Variants in PRKD1 observed in about 807,000 individuals in gnomAD.
The protein encoded by PRKD1 is serine/threonine-protein kinase D1.
In PRKD1, 63 loss-of-function variants were observed where a neutral mutation model predicts 95.9. The observed-to-expected ratio is 0.66, with a 90% CI of 0.54 to 0.81. The LOEUF (loss-of-function observed/expected upper bound fraction) is 0.81. PRKD1 is among the 30% of genes least tolerant of loss of function. The pLI is 0.00. For missense variants in PRKD1, 1,048 were observed against 1,165.3 expected (o/e 0.90, Z 1.47); for synonymous variants, 425 against 423.1 (o/e 1.00, Z -0.05).
chr14:29,878,163 AC>A (rs1893370273), intron 1 of PRKD1, among the ~76,000 whole-genome samples: 1 of 152,128 alleles, frequency 6.6e-6, no homozygotes, highest in South Asian at 2.1e-4. Flanking sequence ...TGGAGGGTGG[AC>A]AGAGGGAGAG....
At chr14:29,727,026 G>A (rs915282257) in intron 1 of PRKD1, among the ~76,000 whole-genome samples, 1 of 152,258 alleles carries the variant, frequency 6.6e-6, no homozygotes, top group East Asian at 1.9e-4. Context: ...CAGTGTAAAA[G>A]TGCTCCTGTT....
chr14:29,685,908 A>G (rs1260494008), intron 2 of PRKD1, among the ~76,000 whole-genome samples: 3 of 152,180 alleles, frequency 2.0e-5, no homozygotes, highest in Non-Finnish European at 1.5e-5. Context: ...AGAATTTCTA[A>G]CAGTAAGACA....
chr14:29,624,234 T>A lies in PRKD1; in HGVS notation c.1823A>T (p.Asp608Val), dbSNP rs767838096. Residue 608 changes from aspartate to valine, a missense_variant, in exon 13 of 18, where the codon GAT becomes GTT. Transcript: ENST00000331968. ...TTTGTCAATGATTTTAATAGCTACATCTCTTCCTGTTTTACGATGTTTTCC... is the reference window on the plus strand; with the variant it reads ...TTTGTCAATGATTTTAATAGCTACAACTCTTCCTGTTTTACGATGTTTTCC... Reference protein sequence around the residue: ...YGGKHRKTGRDVAIKIIDKLR... With the variant: ...YGGKHRKTGRVVAIKIIDKLR... 1.2e-6 allele frequency: 2 copies of A among 1,602,288 alleles called. No individual in the cohort carries two copies. The highest frequency in any genetic ancestry group is 1.7e-6 in the Non-Finnish European group (2 of 1,174,200).
At chr14:29,868,339 C>T (rs976536757) in intron 1 of PRKD1, among the ~76,000 whole-genome samples, 1 of 152,168 alleles carries the variant, frequency 6.6e-6, no homozygotes, top group Non-Finnish European at 1.5e-5. Flanking sequence ...CAAAAGATGC[C>T]ACTTTGCATA....
chr14:29,650,592 A>G (rs145643322), intron 4 of PRKD1: 4 of 152,376 alleles, frequency 2.6e-5, no homozygotes, highest in African/African-American at 9.6e-5. Context: ...AGTTTATTTA[A>G]GGTGTACACT....
At chr14:29,874,360 T>C (rs1893213762) in intron 1 of PRKD1, among the ~76,000 whole-genome samples, 1 of 152,204 alleles carries the variant, frequency 6.6e-6, no homozygotes, top group East Asian at 1.9e-4. Context: ...AAGGGAACTC[T>C]TATAAACTGT....
intron 1 of PRKD1, among the ~76,000 whole-genome samples, chr14:29,848,416 C>T (rs1892168778): frequency 6.6e-6 from 1 of 152,074 alleles, no homozygotes; most frequent in East Asian, 1.9e-4. Context: ...TTTTGAAAGC[C>T]AGGCATTAAA....
chr14:29,630,528 A>G (rs1879930198), intron 10 of PRKD1: 9 of 588,948 alleles, frequency 1.5e-5, no homozygotes. Flanking sequence ...ATTTTAATAT[A>G]AAATAGCTAT....
chr14:29,783,220 T>C (rs1189790607), intron 1 of PRKD1, among the ~76,000 whole-genome samples: 2 of 152,132 alleles, frequency 1.3e-5, no homozygotes, highest in Non-Finnish European at 2.9e-5. Flanking sequence ...TCAAATTTTC[T>C]AGCTTCCACA....
At chr14:29,598,427 A>G (rs1392333850) in intron 15 of PRKD1, among the ~76,000 whole-genome samples, 1 of 152,184 alleles carries the variant, frequency 6.6e-6, no homozygotes, top group Admixed American at 6.6e-5. Context: ...ACAAGGCAGG[A>G]AAGCGTTATG....
At chr14:29,821,251 A>G (rs1157972911) in intron 1 of PRKD1, among the ~76,000 whole-genome samples, 1 of 139,602 alleles carries the variant, frequency 7.2e-6, no homozygotes, top group Non-Finnish European at 1.6e-5. Context: ...GATTGAGAAG[A>G]CAGCTAAGAT....
At chr14:29,775,294 TG>T (rs1209631012) in intron 1 of PRKD1, among the ~76,000 whole-genome samples, 1 of 152,068 alleles carries the variant, frequency 6.6e-6, no homozygotes, top group East Asian at 1.9e-4. Flanking sequence ...TGTCAGACAG[TG>T]GGTGCAGGAC....
chr14:29,810,365 G>A (rs533659581), intron 1 of PRKD1, among the ~76,000 whole-genome samples: 19 of 152,250 alleles, frequency 1.2e-4, no homozygotes, highest in South Asian at 8.3e-4. Flanking sequence ...ATATAAAGAC[G>A]TGTGCCTGTA....
intron 1 of PRKD1, among the ~76,000 whole-genome samples, chr14:29,837,539 A>G (rs1891658246): frequency 1.3e-5 from 2 of 152,230 alleles, no homozygotes; most frequent in Non-Finnish European, 2.9e-5. Context: ...CTTTCAAGAA[A>G]GACAAATTAG....
rs1352126328 is a variant in PRKD1 at position 29,609,759 on chromosome 14, A to G, written c.1906-9942T>C. Among the ~76,000 whole-genome samples the G allele has an allele frequency of 2.3e-5, 3 of 129,640 alleles. No homozygotes were observed. In the East Asian group the frequency reaches 6.6e-4, roughly 29 times the overall value. 85.0% of individuals were successfully genotyped at this position (129,640 alleles called of 152,430 possible). On this transcript the variant is annotated intron_variant, in intron 13 of 17. Coordinates refer to ENST00000331968, the MANE Select transcript of PRKD1 (RefSeq NM_002742.3). ...CTTTTAGTAGAGACAGGGTTTCACT[A>G]TGTTACCCAGGCTGGTCTCGAACTC...
At chr14:29,682,176 T>C (rs771317378) in intron 2 of PRKD1, among the ~76,000 whole-genome samples, 6 of 152,212 alleles carry the variant, frequency 3.9e-5, no homozygotes, top group African/African-American at 7.2e-5. Flanking sequence ...GTTTGTTTCC[T>C]GGTTTTTGTT....
At chr14:29,695,802 A>C (rs2139311059) in intron 2 of PRKD1, among the ~76,000 whole-genome samples, 1 of 152,328 alleles carries the variant, frequency 6.6e-6, no homozygotes, top group East Asian at 1.9e-4. Flanking sequence ...GTGCCAGCCA[A>C]GGCAAACTGG....
intron 1 of PRKD1, among the ~76,000 whole-genome samples, chr14:29,790,939 CAT>C (rs1889516486): frequency 6.6e-6 from 1 of 152,196 alleles, no homozygotes; most frequent in South Asian, 2.1e-4. Flanking sequence ...GAAGTTCTAA[CAT>C]AGCTCCTCTT....
intron 1 of PRKD1, among the ~76,000 whole-genome samples, chr14:29,792,911 CTAA>C (rs1889610386): frequency 6.6e-6 from 1 of 151,994 alleles, no homozygotes; most frequent in Non-Finnish European, 1.5e-5. Context: ...AAACATTCCC[CTAA>C]TGTTTGCTGG....
Sources: gnomAD v4.1 joint callset for allele counts (sites outside exome capture counted in the v4.1 genomes callset) on GRCh38, gnomAD v4.1.1 for gene constraint, MANE v1.5 for transcripts, NCBI Gene and HGNC (gene_info 2026-07-23, HGNC 2026-07-21) for gene names.